OFD1: variants seen among roughly 807,000 people sequenced by gnomAD.
OFD1 encodes OFD1 centriole and centriolar satellite protein.
In OFD1, 12 loss-of-function variants were observed where a neutral mutation model predicts 81.4. That is an observed-to-expected ratio of 0.15 (90% CI 0.09 to 0.24). The LOEUF (loss-of-function observed/expected upper bound fraction) is 0.24. Ranked by LOEUF, OFD1 falls within the 10% of genes least tolerant of loss-of-function variation. The pLI is 1.00. For missense variants in OFD1, 685 were observed against 733.9 expected, an observed-to-expected ratio of 0.93 and a Z score of 0.77; for synonymous variants, 256 against 263.7, an observed-to-expected ratio of 0.97 and a Z score of 0.28.
In OFD1 at chrX:13,769,287, T is replaced by G. The variant is rs1002930147; in HGVS notation, c.*179T>G. ...AGTGTGTGAACCAAGAATAATCTAG[T>G]CACGTGAAACCTCTTCTCCAGTCAT... On this transcript the variant is annotated 3_prime_UTR_variant, in exon 23 of 23. Coordinates refer to ENST00000340096, the MANE Select transcript of OFD1 (RefSeq NM_003611.3). 1.1e-5 allele frequency: 5 copies of G among 459,510 alleles called. No homozygotes were observed. Among genetic ancestry groups the G allele is most frequent in the African/African-American group, 2.4e-5 (1 of 41,191 alleles). The allele number at this position is 459,510 out of a possible 1,213,427, so 37.9% of individuals were successfully genotyped here.
At chrX:13,744,710 A>G (rs752718904) in intron 6 of OFD1, among the ~76,000 whole-genome samples, 191 bp downstream of exon 6, 1 of 112,264 alleles carries the variant, frequency 8.9e-6, no homozygotes, top group Admixed American at 9.4e-5. Flanking sequence ...CCCTAGCCTC[A>G]TGAATGCCAG....
chrX:13,719,387 G>A, the OFD1 span, among the ~76,000 whole-genome samples: 1 of 111,290 alleles, frequency 9.0e-6, no homozygotes, highest in Non-Finnish European at 1.9e-5. Context: ...TGGCCAAGGT[G>A]TCACTGGGGA....
chrX:13,773,138 G>T, downstream of OFD1: 1 of 624,115 alleles, frequency 1.6e-6, no homozygotes, highest in Admixed American at 3.2e-5. Context: ...GGTTAATTCT[G>T]TATTAATAAA....
the OFD1 span, chrX:13,720,111 G>A: frequency 2.4e-6 from 1 of 425,212 alleles, no homozygotes; most frequent in East Asian, 4.2e-5. Context: ...ACTAAGCTTG[G>A]CAGTTTCCAG....
At chrX:13,752,427 C>T (rs1286526825) in intron 10 of OFD1, among the ~76,000 whole-genome samples, 3 of 112,259 alleles carry the variant, frequency 2.7e-5, no homozygotes, top group African/African-American at 9.7e-5. Flanking sequence ...TTGCCTTTCT[C>T]ATAATTTGTC....
chrX:13,761,085 G>A lies in OFD1; in HGVS notation c.2261G>A (p.Gly754Asp), dbSNP rs190688700. 6.6e-6 allele frequency: 8 copies of A among 1,209,294 alleles called. No homozygotes were observed. In the East Asian group the frequency reaches 2.4e-4, roughly 36 times the overall value. The change falls in exon 17 of 23, where the codon GGT (glycine) becomes GAT (aspartate). Residue 754 changes from glycine to aspartate, a missense_variant and splice_region_variant. Gly to Asp is a moderately conservative substitution (Grantham distance 94). Coordinates refer to ENST00000340096, the MANE Select transcript of OFD1 (RefSeq NM_003611.3). ...RSLESEMYLE[G>D]LGRSHIASPS... Reference sequence around the variant, plus strand: ...TGCCTTGGTTCTTTCTGCACCTTAGGTCTGGGCAGATCACACATTGCTTCC... The same window carrying A: ...TGCCTTGGTTCTTTCTGCACCTTAGATCTGGGCAGATCACACATTGCTTCC...
intron 16 of OFD1, 52 bp downstream of exon 16, chrX:13,760,772 C>T: frequency 8.3e-7 from 1 of 1,198,622 alleles, no homozygotes; most frequent in Non-Finnish European, 1.1e-6. Flanking sequence ...GGGTAGCCAC[C>T]CTGCCCACGA....
At chrX:13,719,347 C>T in the OFD1 span, among the ~76,000 whole-genome samples, 2 of 110,859 alleles carry the variant, frequency 1.8e-5, no homozygotes, top group Admixed American at 9.6e-5. Flanking sequence ...GTGGTATCAC[C>T]TCTGGTGCTG....
upstream of OFD1, among the ~76,000 whole-genome samples, chrX:13,730,995 A>G (rs914450584): frequency 9.0e-6 from 1 of 111,293 alleles, no homozygotes; most frequent in African/African-American, 3.3e-5. Flanking sequence ...GCAGCAAACC[A>G]ACATGGCACA....
chrX:13,752,645 A>G, intron 10 of OFD1: 4 of 926,584 alleles, frequency 4.3e-6, no homozygotes, highest in South Asian at 4.1e-5. Context: ...GAATTAAAGT[A>G]TGTGTGTTAA....
chrX:13,729,044 C>T, the OFD1 span, among the ~76,000 whole-genome samples: 9 of 111,396 alleles, frequency 8.1e-5, no homozygotes, highest in East Asian at 2.8e-4. Flanking sequence ...TTACAAGGGA[C>T]GTGAAGGACC....
At position 13,760,122 on chromosome X, in the gene OFD1, G is replaced by A. The variant is rs1238971253; in HGVS notation, c.1662G>A (p.Glu554=). ...LQLKQTQTAL[E]NEVYCNPKQS... ...GCTTTTTGTACCCTGCAGCCCTAGA[G>A]AATGAAGTGTACTGCAATCCAAAGC... Residue 554 remains glutamate (E), a synonymous_variant, in exon 16 of 23, where the codon GAG becomes GAA. Transcript: ENST00000340096. 2 of 1,211,878 alleles carry A rather than the reference G, an allele frequency of 1.7e-6. No individual in the cohort carries two copies. The highest frequency in any genetic ancestry group is 2.2e-6 in the Non-Finnish European group (2 of 895,421).
chrX:13,722,218 A>AAAAG, the OFD1 span: 2 of 98,639 alleles, frequency 2.0e-5, no homozygotes, highest in East Asian at 6.0e-4. Context: ...CAAAAAAAAA[A>AAAAG]AAAAAAAAAA....
At chrX:13,722,950 C>G in the OFD1 span, among the ~76,000 whole-genome samples, 4 of 110,233 alleles carry the variant, frequency 3.6e-5, no homozygotes, top group Non-Finnish European at 7.6e-5. Flanking sequence ...GTAGTCCCAG[C>G]TACTCGGGAG....
At chrX:13,747,267 G>T (rs1446040663) in intron 8 of OFD1, among the ~76,000 whole-genome samples, 9 of 111,851 alleles carry the variant, frequency 8.0e-5, no homozygotes, top group African/African-American at 2.6e-4. Context: ...CAGATTGGAG[G>T]TGCAGAGTAG....
At chrX:13,716,799 A>T in the OFD1 span, 2 of 578,033 alleles carry the variant, frequency 3.5e-6, no homozygotes, top group Non-Finnish European at 5.2e-6. Flanking sequence ...TTGCTTTTAT[A>T]CTTTGTTATT....
chrX:13,736,441 G>A, intron 2 of OFD1, 37 bp from the exon 3 acceptor site: 4 of 1,183,310 alleles, frequency 3.4e-6, no homozygotes, highest in Non-Finnish European at 4.6e-6. Context: ...TCTTTCCCTT[G>A]TGTTTCTTTT....
At chrX:13,734,016 C>T (rs1290343184), upstream of OFD1, 1 of 514,612 alleles carries the variant, frequency 1.9e-6, no homozygotes, top group East Asian at 3.6e-5. Flanking sequence ...TTTCTAATTA[C>T]ATTTAAGCAT....
At chrX:13,729,219 G>A in the OFD1 span, among the ~76,000 whole-genome samples, 158 of 111,676 alleles carry the variant, frequency 1.4e-3, no homozygotes, top group African/African-American at 4.7e-3. Flanking sequence ...AGCTACCAAT[G>A]ACTTTCTTCA....
Sources: allele counts gnomAD v4.1 joint callset (sites outside exome capture counted in the v4.1 genomes callset), GRCh38; gene constraint gnomAD v4.1.1; transcripts MANE v1.5; gene names NCBI Gene and HGNC (gene_info 2026-07-23, HGNC 2026-07-21).